PCARE: variants seen among roughly 807,000 people sequenced by gnomAD.
The protein encoded by PCARE is uncharacterized protein C2orf71.
PCARE carries 72 observed loss-of-function variants against 82.2 expected under a neutral mutation model. The observed-to-expected ratio is 0.88, with a 90% CI of 0.72 to 1.07. PCARE has a LOEUF of 1.07. PCARE is among the 50% of genes least tolerant of loss of function. The pLI, the probability that PCARE is intolerant of heterozygous loss-of-function variation, is 0.00. For synonymous variants in PCARE, 705 were observed against 634.8 expected (o/e 1.11, Z -1.66); for missense variants, 1,768 against 1,592.4 (o/e 1.11, Z -1.88).
rs763993053 is a variant in PCARE at position 29,073,206 on chromosome 2, A to C, written c.1056T>G (p.Ile352Met). The C allele has an allele frequency of 1.2e-6, 2 of 1,613,978 alleles. No homozygotes were observed. Among genetic ancestry groups the C allele is most frequent in the African/African-American group, 2.7e-5 (2 of 74,886 alleles). ...GLPLCSEDSGIGADNESVQSV... is the reference protein window; with the variant it reads ...GLPLCSEDSGMGADNESVQSV... Reference sequence around the variant, plus strand: ...ACTGCACGGACTCATTGTCAGCACCAATGCCACTGTCCTCAGAGCATAAGG... The same window carrying C: ...ACTGCACGGACTCATTGTCAGCACCCATGCCACTGTCCTCAGAGCATAAGG... The change falls in exon 1 of 2, where the codon ATT (isoleucine) becomes ATG (methionine). Residue 352 changes from isoleucine (I) to methionine (M), a missense_variant. Ile to Met is a conservative substitution (Grantham distance 10). Transcript: ENST00000331664.
Position 29,074,262 on chromosome 2 carries a change from G to T in PCARE, c.-1C>A. The T allele has an allele frequency of 6.6e-7, 1 of 1,525,832 alleles. No homozygotes were observed. Among genetic ancestry groups the T allele is most frequent in the South Asian group, 1.3e-5 (1 of 75,184 alleles). 94.5% of individuals were successfully genotyped at this position (1,525,832 alleles called of 1,614,324 possible). A position where few individuals can be genotyped will look rare whatever the true frequency, so the allele number is the denominator to read the frequency against. Reference sequence around the variant, plus strand: ...CACTGTGTGAAGGTGTACACCCCATGATTTCAGCTTGTAGTCATCTTCCAC... The same window carrying T: ...CACTGTGTGAAGGTGTACACCCCATTATTTCAGCTTGTAGTCATCTTCCAC... On this transcript the variant is annotated 5_prime_UTR_variant, in exon 1 of 2. Coordinates refer to ENST00000331664, the MANE Select transcript of PCARE (RefSeq NM_001029883.3).
rs527972121 is a variant in PCARE at position 29,068,510 on chromosome 2, G to A, written c.3668+2084C>T. ...GATCTTGATAGACACATTAATAAGA[G>A]TTCTTCTCTAATAGACCTCAGACAT... is the stretch of plus-strand genomic sequence containing the variant. On this transcript the variant is annotated intron_variant, in intron 1 of 1. Coordinates refer to ENST00000331664, the MANE Select transcript of PCARE (RefSeq NM_001029883.3). Among the ~76,000 whole-genome samples the A allele has an allele frequency of 1.3e-3, 204 of 152,272 alleles. 1 individual carries two copies. The highest frequency in any genetic ancestry group is 2.6e-3 in the Non-Finnish European group (174 of 68,022).
intron 1 of PCARE, among the ~76,000 whole-genome samples, chr2:29,066,197 A>G (rs1038314619): frequency 3.3e-5 from 5 of 152,230 alleles, no homozygotes; most frequent in Admixed American, 3.3e-4. Context: ...TACCCAGCTC[A>G]TCAGGCACTC....
chr2:29,074,190 C>T lies in PCARE; in HGVS notation c.72G>A (p.Lys24=), dbSNP rs1450811029. 6.2e-7 allele frequency: 1 copy of T among 1,604,836 alleles called. No individual in the cohort carries two copies. Among genetic ancestry groups the T allele is most frequent in the East Asian group, 2.2e-5 (1 of 44,750 alleles). ...VAKSGIQFLK[K]PKAIRPGCQG... ...GACATCCTGGCCGAATTGCTTTGGG[C>T]TTTTTCAAGAACTGAATGCCACTCT... Residue 24 remains lysine (K), a synonymous_variant, in exon 1 of 2, where the codon AAG becomes AAA. Transcript: ENST00000331664.
At position 29,074,045 on chromosome 2, in the gene PCARE, C is replaced by T. The variant is rs781588732; in HGVS notation, c.217G>A (p.Gly73Ser). The T allele has an allele frequency of 3.7e-6, 6 of 1,614,206 alleles. No individual in the cohort carries two copies. The highest frequency in any genetic ancestry group is 5.1e-6 in the Non-Finnish European group (6 of 1,180,036). Reference sequence around the variant, plus strand: ...GGATCTCCCATGAGCTGACAAAGACCTTTAGCTGTGGTTTGGTTCCTCCTG... The same window carrying T: ...GGATCTCCCATGAGCTGACAAAGACTTTTAGCTGTGGTTTGGTTCCTCCTG... ...SPRRNQTTAKGLCQLMGDPAS... is the reference protein window; with the variant it reads ...SPRRNQTTAKSLCQLMGDPAS... Residue 73 changes from glycine (G) to serine (S), a missense_variant, in exon 1 of 2, where the codon GGT becomes AGT. By Grantham distance (56) the Gly-to-Ser change is moderately conservative. Transcript: ENST00000331664.
chr2:29,070,451 C>G, intron 1 of PCARE, 143 bp downstream of exon 1: 2 of 1,034,104 alleles, frequency 1.9e-6, no homozygotes, highest in East Asian at 2.5e-5. Context: ...GCTGGAACTG[C>G]CCCCTACACC....
Position 29,071,766 on chromosome 2 carries a change from T to G in PCARE, c.2496A>C (p.Pro832=), listed in dbSNP as rs1572827287. ...TGTCCATCAGAACTTCCATAGGCGG[T>G]GGAGGGAGGTGCTCGAGGTTCCCCT... ...EMEGNLEHLP[P]PPMEVLMDKS... Residue 832 remains proline, a synonymous_variant, in exon 1 of 2, where the codon CCA becomes CCC. Coordinates refer to ENST00000331664, the MANE Select transcript of PCARE (RefSeq NM_001029883.3). 2 of 1,613,510 alleles carry G rather than the reference T, an allele frequency of 1.2e-6. No homozygotes were observed. Among genetic ancestry groups the G allele is most frequent in the South Asian group, 1.1e-5 (1 of 91,012 alleles).
rs1316707200 is a variant in PCARE, at chr2:29,070,846, G to A, written c.3416C>T (p.Thr1139Ile). ...CGATGGTGGGGTCAGTGGGTGGGCT[G>A]TTGAGAGTGGCGGTTTAGCTTCAAA... Reference protein sequence around the residue: ...SLFEAKPPLSTAHPLTPPSLP... With the variant: ...SLFEAKPPLSIAHPLTPPSLP... The change falls in exon 1 of 2, where the codon ACA (threonine) becomes ATA (isoleucine). Residue 1139 changes from threonine (T) to isoleucine (I), a missense_variant. Coordinates refer to ENST00000331664, the MANE Select transcript of PCARE (RefSeq NM_001029883.3). 1 of 1,613,930 alleles carries A rather than the reference G, an allele frequency of 6.2e-7. No homozygotes were observed. Among genetic ancestry groups the A allele is most frequent in the African/African-American group, 1.3e-5 (1 of 74,912 alleles).
chr2:29,066,110 A>G (rs1389767819), intron 1 of PCARE, among the ~76,000 whole-genome samples: 2 of 152,142 alleles, frequency 1.3e-5, no homozygotes, highest in African/African-American at 4.8e-5. Flanking sequence ...ATTGCGCCAT[A>G]GCACTCCAGT....
At position 29,064,876 on chromosome 2, in the gene PCARE, A is replaced by C. The variant is rs753361901; in HGVS notation, c.3860T>G (p.Val1287Gly). ...GGCCCCCTCGTCAGCCTGTCAGGAC[A>C]CCTCCTCTTGCTGGGGCTGCGCCTC... ...QPEAQPQQEE[V>G]S is the part of the protein sequence containing the mutation. The change falls in exon 2 of 2, where the codon GTG (valine) becomes GGG (glycine). Residue 1287 changes from valine (V) to glycine (G), a missense_variant. Physicochemically the swap from Val to Gly is moderately radical, Grantham distance 109 (BLOSUM62 -3). Transcript: ENST00000331664. 1 of 1,610,910 alleles carries C rather than the reference A, an allele frequency of 6.2e-7. No homozygotes were observed. The highest frequency in any genetic ancestry group is 1.7e-5 in the Admixed American group (1 of 59,984).
rs1350653485 is a variant in PCARE at position 29,071,386 on chromosome 2, G to A, written c.2876C>T (p.Ala959Val). The part of the protein sequence containing the change: ...SLYRQPRKAI[A>V]WHHSGPPSGQ... ...AGATGGAGGGCCGGAGTGGTGCCAG[G>A]CGATGGCCTTCCGGGGCTGCCTGTA... is the stretch of plus-strand genomic sequence containing the variant. The change falls in exon 1 of 2, where the codon GCC becomes GTC. Residue 959 changes from alanine (A) to valine (V), a missense_variant. Ala to Val is a moderately conservative substitution (Grantham distance 64). Coordinates refer to ENST00000331664, the MANE Select transcript of PCARE (RefSeq NM_001029883.3). 2.7e-5 allele frequency: 44 copies of A among 1,613,760 alleles called. No homozygotes were observed. Among genetic ancestry groups the A allele is most frequent in the Non-Finnish European group, 3.7e-5 (44 of 1,179,928 alleles).
At chr2:29,068,180 G>A (rs1667418576) in intron 1 of PCARE, among the ~76,000 whole-genome samples, 1 of 152,186 alleles carries the variant, frequency 6.6e-6, no homozygotes, top group Non-Finnish European at 1.5e-5. Flanking sequence ...CCACTGTACT[G>A]TAGGAAGCTC....
rs1186123509 is a variant in PCARE at position 29,064,850 on chromosome 2, T to A, written c.*19A>T. The A allele has an allele frequency of 6.2e-7, 1 of 1,609,350 alleles. No individual in the cohort carries two copies. The highest frequency in any genetic ancestry group is 1.3e-5 in the African/African-American group (1 of 74,824). On this transcript the variant is annotated 3_prime_UTR_variant, in exon 2 of 2. Coordinates refer to ENST00000331664, the MANE Select transcript of PCARE (RefSeq NM_001029883.3). ...GCCTTCTGGGGTGACTGCGTGAGTG[T>A]GGCCCCCTCGTCAGCCTGTCAGGAC...
Position 29,072,873 on chromosome 2 carries a change from G to A in PCARE, c.1389C>T (p.Val463=), listed in dbSNP as rs1667517154. The A allele has an allele frequency of 4.3e-6, 7 of 1,614,154 alleles. No individual in the cohort carries two copies. Among genetic ancestry groups the A allele is most frequent in the Non-Finnish European group, 5.9e-6 (7 of 1,180,036 alleles). The change falls in exon 1 of 2, where the codon GTC becomes GTT. Residue 463 remains valine (V), a synonymous_variant. Transcript: ENST00000331664. The part of the protein sequence containing the change: ...STPCDSFGIG[V]SVEPHLSKTS... ...TTTTGGAAAGGTGTGGTTCCACAGA[G>A]ACCCCAATCCCAAAGGAATCACATG...
Position 29,071,760 on chromosome 2 carries a change from A to G in PCARE, c.2502T>C (p.Pro834=), listed in dbSNP as rs184644658. 1.8e-3 allele frequency: 2,942 copies of G among 1,613,456 alleles called. 18 individuals are homozygous for G. In the Middle Eastern group the frequency reaches 0.022, roughly 12 times the overall value. Residue 834 remains proline, a synonymous_variant, in exon 1 of 2, where the codon CCT becomes CCC. Coordinates refer to ENST00000331664, the MANE Select transcript of PCARE (RefSeq NM_001029883.3). ...EGNLEHLPPP[P]MEVLMDKSFA... ...ATGATTTGTCCATCAGAACTTCCAT[A>G]GGCGGTGGAGGGAGGTGCTCGAGGT...
In PCARE at chr2:29,072,498, A is replaced by AG. The variant is rs763206332; in HGVS notation, c.1763dup (p.Glu589Ter). 13 of 1,614,036 alleles carry AG rather than the reference A, an allele frequency of 8.1e-6. No homozygotes were observed. Among genetic ancestry groups the AG allele is most frequent in the Non-Finnish European group, 1.1e-5 (13 of 1,180,026 alleles). ...CTGACTGGGACCTCGTCTGCCTCTCAGGGGCCCTCCTGCTGCCACTTACCG... is the reference window on the plus strand; with the variant it reads ...CTGACTGGGACCTCGTCTGCCTCTCAGGGGGCCCTCCTGCTGCCACTTACCG... On this transcript the variant is annotated frameshift_variant, in exon 1 of 2. Transcript: ENST00000331664. LOFTEE classifies it high-confidence loss of function.
rs777056992 is a variant in PCARE at position 29,071,669 on chromosome 2, G to A, written c.2593C>T (p.Pro865Ser). The A allele has an allele frequency of 6.2e-7, 1 of 1,614,048 alleles. No individual in the cohort carries two copies. Among genetic ancestry groups the A allele is most frequent in the East Asian group, 2.2e-5 (1 of 44,874 alleles). The change falls in exon 1 of 2, where the codon CCA becomes TCA. Residue 865 changes from proline (P) to serine (S), a missense_variant. Transcript: ENST00000331664. ...GTGGGGCCAGCCTCTCCCGGCCCTG[G>A]CTCCTGGGTTTCCTTGGGGGAGTTC... Reference protein sequence around the residue: ...TENSPKETQEPGPGEAGPTRR... With the variant: ...TENSPKETQESGPGEAGPTRR...
rs868432370 is a variant in PCARE, at chr2:29,070,828, G to A, written c.3434C>T (p.Pro1145Leu). 6.2e-7 allele frequency: 1 copy of A among 1,614,144 alleles called. No individual in the cohort carries two copies. Among genetic ancestry groups the A allele is most frequent in the East Asian group, 2.2e-5 (1 of 44,888 alleles). Residue 1145 changes from proline to leucine, a missense_variant, in exon 1 of 2, where the codon CCA (proline) becomes CTA (leucine). Coordinates refer to ENST00000331664, the MANE Select transcript of PCARE (RefSeq NM_001029883.3). ...CCCAGCCTCTGGCGGCAGCGATGGT[G>A]GGGTCAGTGGGTGGGCTGTTGAGAG... ...PPLSTAHPLT[P>L]PSLPPEAGGP...
chr2:29,073,309 T>C lies in PCARE; in HGVS notation c.953A>G (p.Asp318Gly). 2 of 1,614,142 alleles carry C rather than the reference T, an allele frequency of 1.2e-6. No individual in the cohort carries two copies. Among genetic ancestry groups the C allele is most frequent in the Non-Finnish European group, 1.7e-6 (2 of 1,180,032 alleles). ...CCTCAGAGCCCTCAGGAGGCGTTCA[T>C]CCACATTCCTTTTTGTGCTCAGCTT... ...ENKLSTKRNVDERLLRALRQL... is the reference protein window; with the variant it reads ...ENKLSTKRNVGERLLRALRQL... Residue 318 changes from aspartate (D) to glycine (G), a missense_variant, in exon 1 of 2, where the codon GAT becomes GGT. Physicochemically the swap from Asp to Gly is moderately conservative, Grantham distance 94 (BLOSUM62 -1). Transcript: ENST00000331664.
Sources: allele counts gnomAD v4.1 joint callset (sites outside exome capture counted in the v4.1 genomes callset), GRCh38; gene constraint gnomAD v4.1.1; transcripts MANE v1.5; gene names NCBI Gene and HGNC (gene_info 2026-07-23, HGNC 2026-07-21).